MCTP1: variants seen among roughly 807,000 people sequenced by gnomAD.
MCTP1 encodes multiple C2 and transmembrane domain-containing protein 1.
MCTP1 carries 69 observed loss-of-function variants against 120.6 expected under a neutral mutation model. The ratio of observed to expected loss-of-function variants is 0.57; its 90% CI spans 0.47 to 0.70. MCTP1 has a LOEUF of 0.70. MCTP1 is among the 30% of genes least tolerant of loss of function. The probability of loss-of-function intolerance (pLI) is 0.00; values close to 1 mark genes in which losing one functional copy is unlikely to be tolerated. For missense variants in MCTP1, 1,203 were observed against 1,248.8 expected (o/e 0.96, Z 0.55); for synonymous variants, 529 against 493.1 (o/e 1.07, Z -0.96).
intron 1 of MCTP1, among the ~76,000 whole-genome samples, chr5:95,156,699 T>G (rs1011404388): frequency 6.6e-6 from 1 of 152,322 alleles, no homozygotes; most frequent in Middle Eastern, 3.4e-3. Flanking sequence ...TTAAGAAAAC[T>G]GGGCTTATGT....
At chr5:94,825,163 C>A (rs1786683086) in intron 17 of MCTP1, among the ~76,000 whole-genome samples, 1 of 152,138 alleles carries the variant, frequency 6.6e-6, no homozygotes, top group Non-Finnish European at 1.5e-5. Flanking sequence ...CCCATTTTCT[C>A]CTGTGGGCAT....
intron 17 of MCTP1, among the ~76,000 whole-genome samples, chr5:94,832,806 T>C (rs546880411): frequency 7.2e-5 from 11 of 152,324 alleles, no homozygotes; most frequent in African/African-American, 2.6e-4. Flanking sequence ...TCCCTTTTCA[T>C]TGGGAGCCTA....
chr5:94,947,575 TATAGAGAGAGAGAGAGAGAGAGAGAG>T (rs1384773387), intron 3 of MCTP1, among the ~76,000 whole-genome samples: 1 of 47,428 alleles, frequency 2.1e-5, no homozygotes, highest in African/African-American at 1.0e-4. Context: ...TATATATATA[TATAGAGAGAGAGAGAGAGAGAGAGAG>T]AGAGAGAGAG....
At chr5:95,070,208 C>T (rs1025649778) in intron 1 of MCTP1, among the ~76,000 whole-genome samples, 2 of 152,240 alleles carry the variant, frequency 1.3e-5, no homozygotes, top group African/African-American at 4.8e-5. Context: ...GCCAAAGTCC[C>T]AGGCCACATC....
chr5:94,784,008 G>A (rs946593735), intron 18 of MCTP1, among the ~76,000 whole-genome samples: 1 of 151,866 alleles, frequency 6.6e-6, no homozygotes, highest in African/African-American at 2.4e-5. Flanking sequence ...ACTCAAATAT[G>A]GTCTATAAAA....
chr5:94,955,111 G>A (rs551679476), intron 2 of MCTP1, among the ~76,000 whole-genome samples: 364 of 152,288 alleles, frequency 2.4e-3, no homozygotes, highest in Non-Finnish European at 4.1e-3. Context: ...AGCCCACAGA[G>A]GGTGAGCAGA....
At chr5:95,026,280 C>T (rs1839241666) in intron 1 of MCTP1, among the ~76,000 whole-genome samples, 1 of 152,038 alleles carries the variant, frequency 6.6e-6, no homozygotes, top group African/African-American at 2.4e-5. Context: ...CAAGCATTTA[C>T]CCTTTGCGTT....
At chr5:94,795,113 A>G (rs987429893) in intron 18 of MCTP1, among the ~76,000 whole-genome samples, 1 of 152,124 alleles carries the variant, frequency 6.6e-6, no homozygotes, top group Non-Finnish European at 1.5e-5. Flanking sequence ...AGGGTGTGCA[A>G]TAGACCCCTG....
chr5:95,030,877 G>C (rs1581930041), intron 1 of MCTP1, among the ~76,000 whole-genome samples: 2 of 151,936 alleles, frequency 1.3e-5, no homozygotes, highest in Admixed American at 6.6e-5. Flanking sequence ...AGGAAACTCA[G>C]TGATATCCAA....
At chr5:94,726,502 G>A (rs773034601) in intron 19 of MCTP1, among the ~76,000 whole-genome samples, 1 of 152,096 alleles carries the variant, frequency 6.6e-6, no homozygotes, top group Non-Finnish European at 1.5e-5. Flanking sequence ...ACCAAAGAAA[G>A]ATTCCGATTC....
At chr5:95,118,734 C>T (rs1191270221) in intron 1 of MCTP1, among the ~76,000 whole-genome samples, 2 of 152,076 alleles carry the variant, frequency 1.3e-5, no homozygotes, top group Non-Finnish European at 2.9e-5. Flanking sequence ...GTGGCTATAC[C>T]TATCCTATAT....
At chr5:94,953,094 A>G in intron 3 of MCTP1, 125 bp downstream of exon 3, 1 of 779,034 alleles carries the variant, frequency 1.3e-6, no homozygotes, top group Non-Finnish European at 1.9e-6. Flanking sequence ...TCCATAGATT[A>G]GAGTGGCGAA....
chr5:95,106,866 C>A (rs1016352144), intron 1 of MCTP1, among the ~76,000 whole-genome samples: 6 of 151,974 alleles, frequency 3.9e-5, no homozygotes, highest in African/African-American at 1.5e-4. Flanking sequence ...GGAGTAATAC[C>A]CAATTGGTAA....
chr5:95,042,136 A>T (rs1271649630), intron 1 of MCTP1, among the ~76,000 whole-genome samples: 1 of 152,162 alleles, frequency 6.6e-6, no homozygotes, highest in African/African-American at 2.4e-5. Context: ...GTCCCCAGTT[A>T]TGTATAATTG....
At position 94,714,889 on chromosome 5, in the gene MCTP1, A is replaced by G; in HGVS notation, c.2611-3T>C. 6.4e-7 allele frequency: 1 copy of G among 1,550,874 alleles called. No homozygotes were observed. Among genetic ancestry groups the G allele is most frequent in the South Asian group, 1.1e-5 (1 of 89,144 alleles). On this transcript the variant is annotated splice_region_variant and splice_polypyrimidine_tract_variant and intron_variant, in intron 19 of 22. Coordinates refer to ENST00000515393, the MANE Select transcript of MCTP1 (RefSeq NM_024717.7). ...ATAAATCCCTTTTTTTCACTGTCCT[A>G]AAATGCAATAAAAAAGAAATTCTGT...
chr5:94,707,564 G>A lies in MCTP1; in HGVS notation c.2932C>T (p.Gln978Ter). 1 of 1,610,690 alleles carries A rather than the reference G, an allele frequency of 6.2e-7. No homozygotes were observed. Among genetic ancestry groups the A allele is most frequent in the Non-Finnish European group, 8.5e-7 (1 of 1,177,594 alleles). ...SRVPSDVQVVQYQELKPDPSH... is the reference protein window; with the variant it reads ...SRVPSDVQVV ...GGATCTGGTTTCAGTTCTTGGTATT[G>A]CACCTGTTTAAACAGAGTTCAGAGG... is the stretch of plus-strand genomic sequence containing the variant. Residue 978 changes from glutamine to a stop codon, truncating the protein, a stop_gained, in exon 23 of 23, where the codon CAA becomes TAA. Coordinates refer to ENST00000515393, the MANE Select transcript of MCTP1 (RefSeq NM_024717.7). LOFTEE classifies it high-confidence loss of function.
chr5:94,707,986 A>C (rs12518857), intron 22 of MCTP1, among the ~76,000 whole-genome samples: 21,933 of 151,062 alleles, frequency 0.15, 1,718 homozygotes, highest in East Asian at 0.32. Context: ...AAAAAAAAAA[A>C]CAAACTTCTT....
At chr5:94,792,715 C>A (rs936726355) in intron 18 of MCTP1, 2 of 153,118 alleles carry the variant, frequency 1.3e-5, no homozygotes, top group Admixed American at 1.3e-4. Flanking sequence ...TACACATAAA[C>A]AATCCTGTTG....
intron 17 of MCTP1, among the ~76,000 whole-genome samples, chr5:94,857,375 T>C (rs991885971): frequency 5.9e-4 from 90 of 151,846 alleles, no homozygotes; most frequent in African/African-American, 2.1e-3. Flanking sequence ...GTTTATAATC[T>C]GTTGTATTTT....
Sources: allele counts gnomAD v4.1 joint callset (sites outside exome capture counted in the v4.1 genomes callset), GRCh38; gene constraint gnomAD v4.1.1; transcripts MANE v1.5; gene names NCBI Gene and HGNC (gene_info 2026-07-23, HGNC 2026-07-21).